The following ATIC variants were observed in gnomAD, a reference collection of about 807,000 sequenced individuals.
The protein encoded by ATIC is 5-aminoimidazole-4-carboxamide ribonucleotide formyltransferase/IMP cyclohydrolase.
Under a neutral mutation model 72.5 loss-of-function variants are expected in ATIC, and 64 were observed. That is an observed-to-expected ratio of 0.88 (90% confidence interval 0.72 to 1.09). The LOEUF (loss-of-function observed/expected upper bound fraction) is 1.09, where lower values mean the gene tolerates loss of function less well. Ranked by LOEUF, ATIC falls within the 50% of genes least tolerant of loss-of-function variation. ATIC has a pLI of 0.00. For synonymous variants in ATIC, 281 were observed against 267.1 expected (o/e 1.05, Z -0.51); for missense variants, 787 against 732.4 (o/e 1.07, Z -0.86).
At chr2:215,329,186 C>T (rs2052862923) in intron 7 of ATIC, among the ~76,000 whole-genome samples, 2 of 152,174 alleles carry the variant, frequency 1.3e-5, no homozygotes, top group Admixed American at 1.3e-4. Context: ...ACTGATTTGT[C>T]TGCTGTTATA....
chr2:215,349,909 A>G (rs1400118012), downstream of ATIC: 3 of 588,774 alleles, frequency 5.1e-6, no homozygotes, highest in Non-Finnish European at 5.8e-6. Flanking sequence ...CGTGTGAAAC[A>G]TAAACATTAG....
At chr2:215,359,315 T>A in the ATIC span, among the ~76,000 whole-genome samples, 1 of 152,212 alleles carries the variant, frequency 6.6e-6, no homozygotes, top group African/African-American at 2.4e-5. Context: ...AAGATTCAGA[T>A]GAAGGGCCTG....
intron 2 of ATIC, among the ~76,000 whole-genome samples, chr2:215,313,087 A>T (rs907693032): frequency 1.3e-5 from 2 of 152,126 alleles, no homozygotes; most frequent in Non-Finnish European, 2.9e-5. Context: ...ACAGAGAAAG[A>T]CCCTGGACAA....
chr2:215,325,133 C>G (rs2052808667), intron 4 of ATIC, 108 bp from the exon 5 acceptor site: 1 of 821,982 alleles, frequency 1.2e-6, no homozygotes. Context: ...TATTAGTTCT[C>G]TATGGCTTTT....
At chr2:215,359,882 A>G in the ATIC span, among the ~76,000 whole-genome samples, 37 of 152,246 alleles carry the variant, frequency 2.4e-4, 1 homozygote, top group Non-Finnish European at 4.6e-4. Context: ...ATGAACTACT[A>G]ATTTTTTACT....
chr2:215,315,437 G>A (rs927103000), intron 2 of ATIC, among the ~76,000 whole-genome samples: 2 of 152,088 alleles, frequency 1.3e-5, no homozygotes, highest in South Asian at 2.1e-4. Flanking sequence ...GCTAATTGCA[G>A]CCTCGATCTC....
chr2:215,327,864 C>T (rs1364969187), intron 7 of ATIC, among the ~76,000 whole-genome samples: 2 of 150,400 alleles, frequency 1.3e-5, no homozygotes, highest in African/African-American at 2.4e-5. Flanking sequence ...ACGTTTGCCG[C>T]GTTCTATTGT....
At position 215,345,309 on chromosome 2, in the gene ATIC, G is replaced by T; in HGVS notation, c.1320+438G>T. 2.4e-5 allele frequency: 6 copies of T among 249,276 alleles called. No homozygotes were observed. The South Asian group carries it at 2.9e-4, about 12-fold the overall frequency. 15.4% of individuals were successfully genotyped at this position (249,276 alleles called of 1,614,324 possible). A position where few individuals can be genotyped will look rare whatever the true frequency, so the allele number is the denominator to read the frequency against. On this transcript the variant is annotated intron_variant, in intron 13 of 15. Transcript: ENST00000236959. Reference sequence around the variant, plus strand: ...TTATCAAGAATCTGCTGAGTAGAAAGACTGCTAGACTAGGAGTTAACTTCA... The same window carrying T: ...TTATCAAGAATCTGCTGAGTAGAAATACTGCTAGACTAGGAGTTAACTTCA...
the ATIC span, among the ~76,000 whole-genome samples, chr2:215,355,412 G>A: frequency 6.6e-6 from 1 of 152,156 alleles, no homozygotes; most frequent in African/African-American, 2.4e-5. Context: ...AATACTGAGT[G>A]TATTTCTATT....
chr2:215,325,328 T>A lies in ATIC; in HGVS notation c.378T>A (p.Ile126=). ...TVEEAVEQID[I]GGVTLLRAAA... is the part of the protein sequence containing the mutation. ...AGGAGGCTGTGGAGCAAATTGACAT[T>A]GGTAAGTCAGAAAAACCATTTTAGA... is the stretch of plus-strand genomic sequence containing the variant. Residue 126 remains isoleucine (I), a splice_region_variant and synonymous_variant, in exon 5 of 16, where the codon ATT becomes ATA. Coordinates refer to ENST00000236959, the MANE Select transcript of ATIC (RefSeq NM_004044.7). The A allele has an allele frequency of 6.2e-7, 1 of 1,611,642 alleles. No homozygotes were observed. Among genetic ancestry groups the A allele is most frequent in the African/African-American group, 1.3e-5 (1 of 75,020 alleles).
chr2:215,332,343 A>G (rs759406879), intron 7 of ATIC, 39 bp from the exon 8 acceptor site: 12 of 1,613,430 alleles, frequency 7.4e-6, no homozygotes, highest in Non-Finnish European at 1.0e-5. Flanking sequence ...GACCTTACTG[A>G]TCCTGCTTAG....
intron 9 of ATIC, 48 bp from the exon 10 acceptor site, chr2:215,334,865 TTTTCTG>T (rs2052937928): frequency 7.0e-7 from 1 of 1,426,554 alleles, no homozygotes; most frequent in East Asian, 2.3e-5. Flanking sequence ...TTTTATTACT[TTTTCTG>T]TATCAGGATA....
At chr2:215,327,432 T>C (rs1193268682) in intron 7 of ATIC, among the ~76,000 whole-genome samples, 1 of 152,180 alleles carries the variant, frequency 6.6e-6, no homozygotes, top group Non-Finnish European at 1.5e-5. Flanking sequence ...GAATATTGGA[T>C]CTAGAAGCCC....
chr2:215,325,154 A>G (rs2052808845), intron 4 of ATIC, 87 bp from the exon 5 acceptor site: 3 of 932,298 alleles, frequency 3.2e-6, no homozygotes, highest in Non-Finnish European at 5.3e-6. Flanking sequence ...GTTTACGTTA[A>G]TAGTACTGAC....
At chr2:215,368,058 A>G in the ATIC span, 2 of 1,611,912 alleles carry the variant, frequency 1.2e-6, no homozygotes, top group Non-Finnish European at 8.5e-7. Flanking sequence ...AAGCAAAAAG[A>G]GACATCTTAT....
At chr2:215,365,205 G>A in the ATIC span, among the ~76,000 whole-genome samples, 2 of 152,148 alleles carry the variant, frequency 1.3e-5, no homozygotes, top group Admixed American at 6.5e-5. Flanking sequence ...ACGGGAAGAT[G>A]GAAATCATAT....
chr2:215,340,041 G>A (rs2053002277), intron 12 of ATIC, among the ~76,000 whole-genome samples: 1 of 152,120 alleles, frequency 6.6e-6, no homozygotes, highest in South Asian at 2.1e-4. Context: ...CCAGGCTGGA[G>A]TGCAGTGGTG....
rs767555223 is a variant in ATIC, at chr2:215,349,552, T to C, written c.1676T>C (p.Ile559Thr). 1.2e-6 allele frequency: 2 copies of C among 1,614,140 alleles called. No homozygotes were observed. The change falls in exon 16 of 16, where the codon ATT becomes ACT. Residue 559 changes from isoleucine (I) to threonine (T), a missense_variant. Physicochemically the swap from Ile to Thr is moderately conservative, Grantham distance 89. Transcript: ENST00000236959. ...TTCCCCCAGAGTGGTGTGGCGTACA[T>C]TGCGGCTCCCTCCGGTTCTGCTGCT... ...DRAKRSGVAY[I>T]AAPSGSAADK...
intron 1 of ATIC, 161 bp downstream of exon 1, chr2:215,312,322 C>A: frequency 1.4e-6 from 2 of 1,454,188 alleles, no homozygotes. Context: ...GCGTGGGGCC[C>A]GCCTTAGAGC....
Sources: allele counts gnomAD v4.1 joint callset (sites outside exome capture counted in the v4.1 genomes callset), GRCh38; gene constraint gnomAD v4.1.1; transcripts MANE v1.5; gene names NCBI Gene and HGNC (gene_info 2026-07-23, HGNC 2026-07-21).